SHLD2: variants seen among roughly 807,000 people sequenced by gnomAD.
SHLD2 encodes shieldin complex subunit 2, also known as RINN1-REV7-interacting novel NHEJ regulator 2.
SHLD2 carries 30 observed loss-of-function variants against 73.2 expected under a neutral mutation model. That is an observed-to-expected ratio of 0.41 (90% CI 0.31 to 0.56). The LOEUF (loss-of-function observed/expected upper bound fraction) is 0.56, where lower values mean the gene tolerates loss of function less well. Among genes scored for constraint, SHLD2 ranks in the 20% least tolerant of loss-of-function variants. The pLI, the probability that SHLD2 is intolerant of heterozygous loss-of-function variation, is 0.28. For synonymous variants in SHLD2, 285 were observed against 370.1 expected (o/e 0.77, Z 2.64); for missense variants, 745 against 1,055.9 (o/e 0.71, Z 4.08).
At position 87,189,440 on chromosome 10, in the gene SHLD2, A is replaced by C. The variant is rs1021868942; in HGVS notation, c.2516-1044A>C. ...ACTTGGCATTAATTAGATTGTGATC[A>C]TAAGTCAAAATGTCATTGGTTATAA... On this transcript the variant is annotated intron_variant, in intron 9 of 9. Transcript: ENST00000298786. Among the ~76,000 whole-genome samples, 3 of 152,280 alleles carry C rather than the reference A, an allele frequency of 2.0e-5. No individual in the cohort carries two copies. In the East Asian group the frequency reaches 5.8e-4, roughly 29 times the overall value.
chr10:87,098,005 G>A (rs1233664192), intron 2 of SHLD2, among the ~76,000 whole-genome samples: 1 of 151,906 alleles, frequency 6.6e-6, no homozygotes, highest in Non-Finnish European at 1.5e-5. Flanking sequence ...CAAATGATCT[G>A]CCCGCCTTGG....
At chr10:87,110,606 CAAAA>C (rs200449399) in intron 2 of SHLD2, among the ~76,000 whole-genome samples, 2 of 99,686 alleles carry the variant, frequency 2.0e-5, no homozygotes, top group African/African-American at 3.6e-5. Flanking sequence ...GACTCCATCT[CAAAA>C]AAAAAAAAAA....
At chr10:87,173,882 A>G (rs1416697018) in intron 6 of SHLD2, among the ~76,000 whole-genome samples, 1 of 152,222 alleles carries the variant, frequency 6.6e-6, no homozygotes, top group Non-Finnish European at 1.5e-5. Context: ...AAATATATGG[A>G]AAAATTGTTC....
chr10:87,096,034 TA>T (rs1841843723), intron 1 of SHLD2, among the ~76,000 whole-genome samples: 1 of 152,246 alleles, frequency 6.6e-6, no homozygotes, highest in African/African-American at 2.4e-5. Context: ...GTATATGATT[TA>T]TTTTTTATTT....
At chr10:87,114,311 C>T (rs1353113918) in intron 2 of SHLD2, 1 of 152,174 alleles carries the variant, frequency 6.6e-6, no homozygotes, top group Non-Finnish European at 1.5e-5. Flanking sequence ...ATTATATTTA[C>T]ACTTGATCTT....
chr10:87,094,617 G>A (rs757936317), upstream of SHLD2: 39 of 1,610,104 alleles, frequency 2.4e-5, no homozygotes, highest in Non-Finnish European at 3.2e-5. This position sits in a 1 kb window ranked among gnomAD's most constrained non-coding sequence, Gnocchi z 6.6. Flanking sequence ...CGCTGTAGTG[G>A]CGCCGGGCGG....
intron 2 of SHLD2, among the ~76,000 whole-genome samples, chr10:87,104,729 C>T (rs1029538332): frequency 4.0e-5 from 6 of 151,146 alleles, no homozygotes; most frequent in Non-Finnish European, 8.8e-5. Flanking sequence ...GGCACAATCT[C>T]GGCTCGCTGC....
chr10:87,119,643 C>T (rs1397905810), intron 2 of SHLD2, among the ~76,000 whole-genome samples: 2 of 147,712 alleles, frequency 1.4e-5, no homozygotes, highest in Non-Finnish European at 2.9e-5. Context: ...ACCTGTAGTC[C>T]CAACTACTCG....
At chr10:87,148,945 G>A (rs555241933) in intron 2 of SHLD2, among the ~76,000 whole-genome samples, 2 of 150,316 alleles carry the variant, frequency 1.3e-5, no homozygotes, top group East Asian at 4.0e-4. Flanking sequence ...GAGTGCTGGA[G>A]TGCAGTGGCA....
chr10:87,108,952 T>C (rs2133987550), intron 2 of SHLD2, among the ~76,000 whole-genome samples: 1 of 152,320 alleles, frequency 6.6e-6, no homozygotes, highest in Middle Eastern at 3.4e-3. Flanking sequence ...AATGGGATTG[T>C]CTGCCTCTGC....
chr10:87,168,350 A>T (rs1350018405), intron 4 of SHLD2, among the ~76,000 whole-genome samples: 1 of 152,310 alleles, frequency 6.6e-6, no homozygotes, highest in Admixed American at 6.5e-5. Flanking sequence ...TAATTCCCAC[A>T]CTTTGACAGG....
At chr10:87,094,475 G>A, upstream of SHLD2, 1 of 1,613,648 alleles carries the variant, frequency 6.2e-7, no homozygotes, top group Non-Finnish European at 8.5e-7. The surrounding 1 kb of genome is among the most constrained non-coding windows in gnomAD (Gnocchi z 6.6). Context: ...ACCCGGTTCC[G>A]CTTCTGCTCC....
At chr10:87,127,536 CCCA>C (rs1171851691) in intron 2 of SHLD2, among the ~76,000 whole-genome samples, 868 of 65,152 alleles carry the variant, frequency 0.013, 25 homozygotes, top group African/African-American at 0.021. Flanking sequence ...CCCGCCCCCC[CCCA>C]CCCCGTCTGC....
At chr10:87,096,120 A>C (rs1413414316) in intron 1 of SHLD2, among the ~76,000 whole-genome samples, 2 of 152,108 alleles carry the variant, frequency 1.3e-5, no homozygotes, top group Admixed American at 6.5e-5. Flanking sequence ...GGCTCACTGC[A>C]GCTTCCACCT....
At position 87,115,752 on chromosome 10, in the gene SHLD2, C is replaced by T. The variant is rs566500893; in HGVS notation, c.-6+18763C>T. Among the ~76,000 whole-genome samples, 11 of 152,186 alleles carry T rather than the reference C, an allele frequency of 7.2e-5. No homozygotes were observed. The East Asian group carries it at 1.5e-3, about 21-fold the overall frequency. ...AATTCTAAGCTAGTGATAAAAATTT[C>T]GTCAACATCAATGAATAGGTAATGT... On this transcript the variant is annotated intron_variant, in intron 2 of 9. Coordinates refer to ENST00000298786, the MANE Select transcript of SHLD2 (RefSeq NM_001330112.2).
At chr10:87,124,155 T>C (rs932784367) in intron 2 of SHLD2, among the ~76,000 whole-genome samples, 3 of 152,198 alleles carry the variant, frequency 2.0e-5, no homozygotes, top group Non-Finnish European at 2.9e-5. Context: ...CAGGAGTAGA[T>C]ATAACTAATT....
rs566581266 is a variant in SHLD2, at chr10:87,159,241, C to T, written c.1633+1086C>T. Among the ~76,000 whole-genome samples, 3 of 152,210 alleles carry T rather than the reference C, an allele frequency of 2.0e-5. 1 individual carries two copies. In the South Asian group the frequency reaches 6.2e-4, roughly 32 times the overall value. On this transcript the variant is annotated intron_variant, in intron 4 of 9. Coordinates refer to ENST00000298786, the MANE Select transcript of SHLD2 (RefSeq NM_001330112.2). ...AAGGGAAGAGCAACAATTAGAATAA[C>T]AAGAACTGTGTTTGGAATGGGCAAG...
intron 2 of SHLD2, among the ~76,000 whole-genome samples, chr10:87,124,110 G>A (rs1476206679): frequency 3.3e-5 from 5 of 151,910 alleles, no homozygotes; most frequent in Non-Finnish European, 5.9e-5. Flanking sequence ...GCATGTTTTT[G>A]TGAATAAAAA....
chr10:87,129,384 C>T (rs1021644943), intron 2 of SHLD2, among the ~76,000 whole-genome samples: 2 of 152,154 alleles, frequency 1.3e-5, no homozygotes, highest in African/African-American at 4.8e-5. Flanking sequence ...AGCCACCGTG[C>T]CTGGCTTCAC....
Sources: gnomAD v4.1 joint callset for allele counts (sites outside exome capture counted in the v4.1 genomes callset) on GRCh38, gnomAD v4.1.1 for gene constraint, Gnocchi (gnomAD v3.1) non-coding constraint, MANE v1.5 for transcripts, NCBI Gene and HGNC (gene_info 2026-07-23, HGNC 2026-07-21) for gene names.